The following CNOT1 variants were observed in gnomAD, a reference collection of about 807,000 sequenced individuals.
The protein encoded by CNOT1 is CCR4-NOT transcription complex subunit 1, also known as CCR4-associated factor 1.
Under a neutral mutation model 273.8 loss-of-function variants are expected in CNOT1, and 15 were observed. The observed-to-expected ratio is 0.05, with a 90% CI of 0.04 to 0.08. The LOEUF (loss-of-function observed/expected upper bound fraction) is 0.08. CNOT1 is among the 10% of genes least tolerant of loss of function. CNOT1 has a pLI of 1.00. For synonymous variants in CNOT1, 1,022 were observed against 1,005.5 expected, an observed-to-expected ratio of 1.02 and a Z score of -0.31; for missense variants, 1,644 against 2,912.2, an observed-to-expected ratio of 0.56 and a Z score of 10.02.
chr16:58,569,361 A>G (rs2041180115), intron 16 of CNOT1, among the ~76,000 whole-genome samples: 1 of 152,098 alleles, frequency 6.6e-6, no homozygotes, highest in Non-Finnish European at 1.5e-5. Flanking sequence ...ATCTCAAGTG[A>G]TCCACCCACC....
chr16:58,576,657 AT>A, intron 13 of CNOT1, 75 bp from the exon 14 acceptor site: 1 of 1,583,166 alleles, frequency 6.3e-7, no homozygotes, highest in Non-Finnish European at 8.6e-7. Context: ...TGCCCAGTTA[AT>A]TTTGCTAGAA....
At chr16:58,604,728 C>T (rs2042607302) in intron 1 of CNOT1, among the ~76,000 whole-genome samples, 1 of 145,094 alleles carries the variant, frequency 6.9e-6, no homozygotes, top group African/African-American at 2.6e-5. Flanking sequence ...ACCCGGGAGG[C>T]AGAGGTTGCG....
At chr16:58,581,302 C>T (rs1396216831) in intron 11 of CNOT1, 43 bp downstream of exon 11, 1 of 1,558,512 alleles carries the variant, frequency 6.4e-7, no homozygotes, top group Non-Finnish European at 8.7e-7. Context: ...AAGAATAAGT[C>T]ATGTTTTATT....
intron 10 of CNOT1, 81 bp from the exon 11 acceptor site, chr16:58,581,596 G>A: frequency 7.0e-7 from 1 of 1,437,232 alleles, no homozygotes; most frequent in South Asian, 1.6e-5. Context: ...AATTAAATCT[G>A]AAATTCAATT....
At chr16:58,535,526 A>C (rs1474331240) in intron 39 of CNOT1, among the ~76,000 whole-genome samples, 1 of 152,258 alleles carries the variant, frequency 6.6e-6, no homozygotes, top group Non-Finnish European at 1.5e-5. Context: ...GACAGGTGCC[A>C]CATCCATACC....
At chr16:58,541,785 G>A (rs1166616663) in intron 33 of CNOT1, among the ~76,000 whole-genome samples, 165 bp from the exon 34 acceptor site, 3 of 152,162 alleles carry the variant, frequency 2.0e-5, no homozygotes, top group Non-Finnish European at 4.4e-5. Flanking sequence ...GTTCAGAAGA[G>A]GGCTTCTCAT....
At chr16:58,551,499 G>A in intron 23 of CNOT1, 90 bp downstream of exon 23, 2 of 1,403,538 alleles carry the variant, frequency 1.4e-6, no homozygotes, top group South Asian at 1.2e-5. Flanking sequence ...TAGTAGGCAT[G>A]TGTTATGATA....
intron 16 of CNOT1, among the ~76,000 whole-genome samples, chr16:58,564,952 T>TAATA (rs916596505): frequency 2.0e-5 from 3 of 151,770 alleles, no homozygotes; most frequent in African/African-American, 7.3e-5. Flanking sequence ...AATAAATAAA[T>TAATA]AATAAATAAA....
At chr16:58,576,753 G>T (rs999605516) in intron 13 of CNOT1, among the ~76,000 whole-genome samples, 171 bp from the exon 14 acceptor site, 1 of 152,216 alleles carries the variant, frequency 6.6e-6, no homozygotes, top group Non-Finnish European at 1.5e-5. Flanking sequence ...TTATGGGAAA[G>T]CCAAGTTACC....
intron 39 of CNOT1, among the ~76,000 whole-genome samples, chr16:58,535,816 C>T (rs1277612979): frequency 1.3e-5 from 2 of 151,970 alleles, no homozygotes; most frequent in East Asian, 1.9e-4. Context: ...TCACTGTAAG[C>T]TTCATCTCCT....
At chr16:58,544,930 C>T (rs2040209559) in intron 30 of CNOT1, among the ~76,000 whole-genome samples, 1 of 152,200 alleles carries the variant, frequency 6.6e-6, no homozygotes, top group Admixed American at 6.5e-5. Context: ...AGTCCTACTT[C>T]AAGATCTTAG....
At chr16:58,608,128 A>G (rs1673600991) in intron 1 of CNOT1, among the ~76,000 whole-genome samples, 2 of 152,100 alleles carry the variant, frequency 1.3e-5, no homozygotes, top group Admixed American at 1.3e-4. Flanking sequence ...AGGAGCCGAG[A>G]TTATGCCATT....
chr16:58,591,657 G>C (rs12924944), intron 2 of CNOT1, among the ~76,000 whole-genome samples: 1 of 151,538 alleles, frequency 6.6e-6, no homozygotes, highest in Non-Finnish European at 1.5e-5. Context: ...AGGAGGCTGA[G>C]GCTGGAGAAT....
At chr16:58,540,841 G>A (rs2040071376) in intron 34 of CNOT1, among the ~76,000 whole-genome samples, 1 of 152,172 alleles carries the variant, frequency 6.6e-6, no homozygotes, top group South Asian at 2.1e-4. Context: ...CGGTTCGGGG[G>A]AAAATATTTT....
intron 29 of CNOT1, 100 bp downstream of exon 29, chr16:58,546,221 A>C: frequency 2.8e-6 from 3 of 1,056,716 alleles, no homozygotes; most frequent in Non-Finnish European, 4.2e-6. Context: ...TCACCACTAC[A>C]TTATGTGGGA....
intron 39 of CNOT1, 95 bp downstream of exon 39, chr16:58,536,890 ACTGT>A (rs759279788): frequency 5.2e-5 from 78 of 1,500,194 alleles, no homozygotes; most frequent in Middle Eastern, 1.8e-4. Flanking sequence ...TATGGAGGTA[ACTGT>A]CTGACCACAT....
rs757297451 is a variant in CNOT1 at position 58,556,927 on chromosome 16, T to C, written c.2399A>G (p.Asn800Ser). 2 of 1,614,186 alleles carry C rather than the reference T, an allele frequency of 1.2e-6. No individual in the cohort carries two copies. The highest frequency in any genetic ancestry group is 4.5e-5 in the East Asian group (2 of 44,876). Reference protein sequence around the residue: ...GTGALGLPAVNNDPFVQRKLG... With the variant: ...GTGALGLPAVSNDPFVQRKLG... ...TTTCCTCTGTACAAAAGGGTCGTTA[T>C]TCACTGCAGGGAGTCCAAGAGCACC... The change falls in exon 19 of 49, where the codon AAT (asparagine) becomes AGT (serine). Residue 800 changes from asparagine (N) to serine (S), a missense_variant. Physicochemically the swap from Asn to Ser is conservative, Grantham distance 46 (BLOSUM62 1). Around this residue, in one of 13 missense-constraint regions of CNOT1, gnomAD observed 706 missense variants for 1,021.2 expected, o/e 0.69. Coordinates refer to ENST00000317147, the MANE Select transcript of CNOT1 (RefSeq NM_016284.5).
Position 58,547,712 on chromosome 16 carries a change from G to C in CNOT1, c.3523-30C>G, listed in dbSNP as rs566727727. The C allele has an allele frequency of 5.5e-5, 87 of 1,592,900 alleles. No individual in the cohort carries two copies. The South Asian group carries it at 9.2e-4, about 17-fold the overall frequency. On this transcript the variant is annotated intron_variant, in intron 25 of 48. Transcript: ENST00000317147. This position sits in a 1 kb window ranked among gnomAD's most constrained non-coding sequence, Gnocchi z 4.0. ...AATAGTGTAAGATTAAGAAAGATAT[G>C]AGAATAAGCTTATGAAAGAAAACTC... is the stretch of plus-strand genomic sequence containing the variant.
intron 21 of CNOT1, 116 bp downstream of exon 21, chr16:58,555,135 A>C: frequency 6.9e-7 from 1 of 1,439,658 alleles, no homozygotes; most frequent in Non-Finnish European, 9.3e-7. Context: ...TTGAGCCCGC[A>C]AGGTCAAGGC....
Sources: gnomAD v4.1 joint callset for allele counts (sites outside exome capture counted in the v4.1 genomes callset) on GRCh38, gnomAD v4.1.1 for gene constraint, gnomAD v4.1.1 regional missense constraint, Gnocchi (gnomAD v3.1) non-coding constraint, MANE v1.5 for transcripts, NCBI Gene and HGNC (gene_info 2026-07-23, HGNC 2026-07-21) for gene names.